Variants in MDGA2 observed in about 807,000 individuals in gnomAD.
MDGA2 encodes MAM domain-containing glycosylphosphatidylinositol anchor protein 2.
In MDGA2, 40 loss-of-function variants were observed where a neutral mutation model predicts 117.8. The observed-to-expected ratio is 0.34, with a 90% CI of 0.26 to 0.44. The LOEUF is 0.44. Ranked by LOEUF, MDGA2 falls within the 20% of genes least tolerant of loss-of-function variation. The pLI is 1.00. For missense variants in MDGA2, 1,123 were observed against 1,250.6 expected, an observed-to-expected ratio of 0.90 and a Z score of 1.54; for synonymous variants, 452 against 439.0, an observed-to-expected ratio of 1.03 and a Z score of -0.37.
At chr14:47,031,731 A>C (rs1368905057) in intron 8 of MDGA2, among the ~76,000 whole-genome samples, 5 of 152,138 alleles carry the variant, frequency 3.3e-5, no homozygotes, top group Non-Finnish European at 1.5e-5. Context: ...CCCCCTTGGC[A>C]CTGCCATTGC....
At chr14:47,024,392 C>A (rs1262299211) in intron 8 of MDGA2, among the ~76,000 whole-genome samples, 1 of 152,132 alleles carries the variant, frequency 6.6e-6, no homozygotes, top group Non-Finnish European at 1.5e-5. Context: ...CTGATGGGCA[C>A]AAAGAAACAG....
At chr14:47,095,290 A>G (rs1879896643) in intron 6 of MDGA2, among the ~76,000 whole-genome samples, 1 of 152,046 alleles carries the variant, frequency 6.6e-6, no homozygotes, top group African/African-American at 2.4e-5. Context: ...GACTTAAAAT[A>G]AAATCTCAGA....
chr14:47,596,253 G>C (rs1442289352), intron 1 of MDGA2, among the ~76,000 whole-genome samples: 1 of 152,136 alleles, frequency 6.6e-6, no homozygotes, highest in Non-Finnish European at 1.5e-5. Flanking sequence ...AACACATACA[G>C]TTTTGTTCTA....
At chr14:47,424,407 C>A (rs992484121) in intron 1 of MDGA2, among the ~76,000 whole-genome samples, 2 of 115,460 alleles carry the variant, frequency 1.7e-5, no homozygotes, top group African/African-American at 3.2e-5. Context: ...GGGTGAGATT[C>A]TGTCTCAAAA....
downstream of MDGA2, among the ~76,000 whole-genome samples, chr14:46,839,784 A>T (rs901621195): frequency 6.6e-6 from 1 of 151,968 alleles, no homozygotes; most frequent in East Asian, 1.9e-4. Context: ...AATTTAAAGG[A>T]CTTGGTTCAG....
intron 2 of MDGA2, among the ~76,000 whole-genome samples, chr14:47,293,634 C>G (rs776914178): frequency 6.6e-6 from 1 of 152,070 alleles, no homozygotes. Flanking sequence ...ATTTACTAAG[C>G]ATTTATGTTG....
intron 2 of MDGA2, among the ~76,000 whole-genome samples, chr14:47,298,519 G>A (rs539231563): frequency 2.0e-5 from 3 of 152,088 alleles, no homozygotes; most frequent in East Asian, 3.9e-4. Context: ...TAGACCAAGC[G>A]AGAAAGTCAT....
At chr14:47,343,806 T>G (rs1890702067) in intron 1 of MDGA2, among the ~76,000 whole-genome samples, 1 of 152,112 alleles carries the variant, frequency 6.6e-6, no homozygotes, top group African/African-American at 2.4e-5. Context: ...TTATATGAGC[T>G]CTATCATTTT....
intron 1 of MDGA2, among the ~76,000 whole-genome samples, chr14:47,440,358 T>C (rs746516354): frequency 1.3e-5 from 2 of 152,158 alleles, no homozygotes; most frequent in Non-Finnish European, 2.9e-5. Context: ...CATGGGACTT[T>C]GTTTATCTCA....
chr14:47,362,358 G>A (rs1233368438), intron 1 of MDGA2, among the ~76,000 whole-genome samples: 1 of 152,060 alleles, frequency 6.6e-6, no homozygotes, highest in Non-Finnish European at 1.5e-5. Context: ...TATATCTACA[G>A]TAACACATCA....
intron 1 of MDGA2, among the ~76,000 whole-genome samples, chr14:47,430,944 T>G (rs1892785887): frequency 6.6e-6 from 1 of 152,076 alleles, no homozygotes; most frequent in Non-Finnish European, 1.5e-5. Flanking sequence ...GAGTGCACAC[T>G]CATCCATGTG....
chr14:47,540,843 G>C (rs1024853714), intron 1 of MDGA2, among the ~76,000 whole-genome samples: 1 of 151,984 alleles, frequency 6.6e-6, no homozygotes, highest in Non-Finnish European at 1.5e-5. Flanking sequence ...AGGATTACAG[G>C]TATGAACTAC....
intron 9 of MDGA2, among the ~76,000 whole-genome samples, chr14:46,940,697 G>C (rs1884966643): frequency 6.6e-6 from 1 of 151,886 alleles, no homozygotes; most frequent in African/African-American, 2.4e-5. Context: ...AAGGACCATT[G>C]GTTGAGTGTG....
chr14:46,873,644 A>C, intron 13 of MDGA2, 53 bp from the exon 14 acceptor site: 4 of 1,481,888 alleles, frequency 2.7e-6, no homozygotes, highest in Non-Finnish European at 3.7e-6. Flanking sequence ...GGCATAATGA[A>C]ATTTCAAATC....
chr14:46,899,674 T>C (rs910738188), intron 10 of MDGA2, among the ~76,000 whole-genome samples: 7 of 151,978 alleles, frequency 4.6e-5, no homozygotes, highest in African/African-American at 1.7e-4. Flanking sequence ...AGACAAAAAT[T>C]TTAAATCAAC....
At chr14:47,375,733 C>A (rs1025910336) in intron 1 of MDGA2, among the ~76,000 whole-genome samples, 6 of 151,994 alleles carry the variant, frequency 3.9e-5, no homozygotes, top group African/African-American at 1.4e-4. Flanking sequence ...ATTTTCTAAC[C>A]TCTAGAACAA....
At chr14:47,068,417 A>AAAT (rs1555349029) in intron 6 of MDGA2, among the ~76,000 whole-genome samples, 1 of 148,244 alleles carries the variant, frequency 6.7e-6, no homozygotes, top group Non-Finnish European at 1.5e-5. Context: ...AGAAAAAAAA[A>AAAT]ATATATATAT....
intron 1 of MDGA2, among the ~76,000 whole-genome samples, chr14:47,437,155 T>G (rs1892916812): frequency 6.6e-6 from 1 of 152,054 alleles, no homozygotes; most frequent in Non-Finnish European, 1.5e-5. Flanking sequence ...TCAGATTTAC[T>G]CCTCTCCATC....
intron 6 of MDGA2, among the ~76,000 whole-genome samples, chr14:47,076,501 C>A (rs1368952011): frequency 1.3e-5 from 2 of 151,680 alleles, no homozygotes; most frequent in Non-Finnish European, 2.9e-5. Flanking sequence ...CACATTTTAT[C>A]AGGTTACGAT....
Sources: gnomAD v4.1 joint callset for allele counts (sites outside exome capture counted in the v4.1 genomes callset) on GRCh38, gnomAD v4.1.1 for gene constraint, MANE v1.5 for transcripts, NCBI Gene and HGNC (gene_info 2026-07-23, HGNC 2026-07-21) for gene names.